MARK3: variants seen among roughly 807,000 people sequenced by gnomAD.
MARK3 encodes the protein microtubule affinity regulating kinase 3, also known as MAP/microtubule affinity-regulating kinase 3.
Under a neutral mutation model 90.1 loss-of-function variants are expected in MARK3, and 46 were observed. That is an observed-to-expected ratio of 0.51 (90% confidence interval 0.40 to 0.65). The LOEUF (loss-of-function observed/expected upper bound fraction) is 0.65. Ranked by LOEUF, MARK3 falls within the 30% of genes least tolerant of loss-of-function variation. MARK3 has a pLI of 0.00. For synonymous variants in MARK3, 321 were observed against 332.6 expected (o/e 0.97, Z 0.38); for missense variants, 818 against 947.2 (o/e 0.86, Z 1.79).
intron 1 of MARK3, among the ~76,000 whole-genome samples, chr14:103,396,666 C>A (rs915600716): frequency 1.3e-5 from 2 of 152,010 alleles, no homozygotes; most frequent in Non-Finnish European, 2.9e-5. Flanking sequence ...TAGCGTTTCC[C>A]CTTTTCACCC....
At chr14:103,475,299 T>C in intron 13 of MARK3, 89 bp downstream of exon 13, 2 of 1,081,236 alleles carry the variant, frequency 1.8e-6, no homozygotes, top group Non-Finnish European at 2.8e-6. Context: ...CTGTGGTCTC[T>C]CGTACTGGAA....
chr14:103,388,778 A>C (rs1322419085), intron 1 of MARK3, among the ~76,000 whole-genome samples: 1 of 152,048 alleles, frequency 6.6e-6, no homozygotes, highest in Non-Finnish European at 1.5e-5. Flanking sequence ...AGTGTAAATA[A>C]TCTTTTGTGT....
chr14:103,467,673 T>TAAAAAAA (rs1164167633), intron 11 of MARK3: 2 of 5,996 alleles, frequency 3.3e-4, no homozygotes, highest in Non-Finnish European at 7.6e-4. Context: ...AGACTCTGTC[T>TAAAAAAA]CAAAAAAAAA....
chr14:103,469,911 A>G lies in MARK3; in HGVS notation c.1264+1725A>G, dbSNP rs183562315. 3.4e-3 allele frequency among the ~76,000 whole-genome samples: 517 copies of G among 151,936 alleles called. 2 individuals are homozygous for G. The highest frequency in any genetic ancestry group is 0.012 in the African/African-American group (494 of 41,460). ...CCCCATCTCTACTAAAAATAAAAAAATTACCTGGGCATGGTGGTGTGTGCC... is the reference window on the plus strand; with the variant it reads ...CCCCATCTCTACTAAAAATAAAAAAGTTACCTGGGCATGGTGGTGTGTGCC... On this transcript the variant is annotated intron_variant, in intron 12 of 17. Transcript: ENST00000429436.
Position 103,492,002 on chromosome 14 carries a change from CT to C in MARK3, c.1815del (p.Phe605LeufsTer4). The C allele has an allele frequency of 6.2e-7, 1 of 1,614,194 alleles. No individual in the cohort carries two copies. Among genetic ancestry groups the C allele is most frequent in the Non-Finnish European group, 8.5e-7 (1 of 1,180,038 alleles). ...QTRSRGSTNL[F>X]SKLTSKLTRR... ...CTCGAAGCCGAGGCTCCACTAATCTCTTTAGTAAATTAACTTCAAAACTCAC... is the reference window on the plus strand; with the variant it reads ...CTCGAAGCCGAGGCTCCACTAATCTCTTAGTAAATTAACTTCAAAACTCAC... On this transcript the variant is annotated frameshift_variant, in exon 15 of 18. Coordinates refer to ENST00000429436, the MANE Select transcript of MARK3 (RefSeq NM_001128918.3). LOFTEE classifies it high-confidence loss of function.
chr14:103,462,318 C>CA (rs1191826149), intron 6 of MARK3, 87 bp from the exon 7 acceptor site: 15 of 915,540 alleles, frequency 1.6e-5, no homozygotes, highest in Non-Finnish European at 2.3e-5. Flanking sequence ...ACTGAGTATT[C>CA]ATTATGTGTG....
chr14:103,409,726 A>G (rs2091523179), intron 2 of MARK3, among the ~76,000 whole-genome samples: 1 of 152,190 alleles, frequency 6.6e-6, no homozygotes, highest in Non-Finnish European at 1.5e-5. Flanking sequence ...TTACTTAGTA[A>G]TGTACCTTGA....
chr14:103,411,609 A>T (rs1214417363), intron 2 of MARK3, among the ~76,000 whole-genome samples: 1 of 151,308 alleles, frequency 6.6e-6, no homozygotes, highest in Admixed American at 6.6e-5. Flanking sequence ...CCTCCTGATG[A>T]TTCTTTTTTT....
At chr14:103,423,933 C>G (rs954009927) in intron 2 of MARK3, among the ~76,000 whole-genome samples, 1 of 152,154 alleles carries the variant, frequency 6.6e-6, no homozygotes, top group Non-Finnish European at 1.5e-5. Context: ...AGTCCGGGCG[C>G]GATGGCTCAT....
In MARK3 at chr14:103,437,506, G is replaced by A. The variant is rs979680036; in HGVS notation, c.297+9066G>A. ...TTGCCCAAGCTGGTCTCAGACTCCTGGGTTCAAGCATCCTCCTTCCGAGGA... is the reference window on the plus strand; with the variant it reads ...TTGCCCAAGCTGGTCTCAGACTCCTAGGTTCAAGCATCCTCCTTCCGAGGA... On this transcript the variant is annotated intron_variant, in intron 3 of 17. Coordinates refer to ENST00000429436, the MANE Select transcript of MARK3 (RefSeq NM_001128918.3). Among the ~76,000 whole-genome samples, 37 of 152,170 alleles carry A rather than the reference G, an allele frequency of 2.4e-4. 1 individual carries two copies. Among genetic ancestry groups the A allele is most frequent in the Non-Finnish European group, 1.0e-4 (7 of 68,024 alleles).
At chr14:103,434,541 C>A (rs1347159583) in intron 3 of MARK3, among the ~76,000 whole-genome samples, 1 of 152,202 alleles carries the variant, frequency 6.6e-6, no homozygotes, top group Non-Finnish European at 1.5e-5. Flanking sequence ...CTGTCCATAG[C>A]ATGCAGTCCA....
chr14:103,421,275 G>T (rs549093836), intron 2 of MARK3, among the ~76,000 whole-genome samples: 52 of 152,284 alleles, frequency 3.4e-4, no homozygotes, highest in Admixed American at 6.5e-4. Flanking sequence ...GCAAAATGTT[G>T]TGACCAGAGG....
chr14:103,467,144 G>A lies in MARK3; in HGVS notation c.1063G>A (p.Asp355Asn), dbSNP rs1467013989. Reference protein sequence around the residue: ...IQESLSKMKYDEITATYLLLG... With the variant: ...IQESLSKMKYNEITATYLLLG... ...AGAATCTCTTAGTAAGATGAAATAC[G>A]ATGAAATCACAGCTACATATTTGTT... The change falls in exon 11 of 18, where the codon GAT (aspartate) becomes AAT (asparagine). Residue 355 changes from aspartate (D) to asparagine (N), a missense_variant. Asp to Asn is a conservative substitution (Grantham distance 23, BLOSUM62 1). Coordinates refer to ENST00000429436, the MANE Select transcript of MARK3 (RefSeq NM_001128918.3). The A allele has an allele frequency of 1.4e-5, 22 of 1,603,140 alleles. No individual in the cohort carries two copies. Among genetic ancestry groups the A allele is most frequent in the East Asian group, 4.5e-5 (2 of 44,740 alleles).
intron 2 of MARK3, among the ~76,000 whole-genome samples, chr14:103,410,912 T>G (rs1410612443): frequency 6.6e-6 from 1 of 152,194 alleles, no homozygotes; most frequent in African/African-American, 2.4e-5. Flanking sequence ...TGTGGCAAAA[T>G]CATTTAATCT....
intron 3 of MARK3, among the ~76,000 whole-genome samples, chr14:103,440,247 A>G (rs2092817120): frequency 6.6e-6 from 1 of 152,200 alleles, no homozygotes; most frequent in African/African-American, 2.4e-5. Flanking sequence ...TGCTTTTTGT[A>G]TTGCAAACAT....
At chr14:103,438,266 G>A (rs772207717) in intron 3 of MARK3, among the ~76,000 whole-genome samples, 8 of 152,144 alleles carry the variant, frequency 5.3e-5, no homozygotes, top group Non-Finnish European at 1.2e-4. Context: ...GCTTCCCAAA[G>A]TGCTGGGATT....
At chr14:103,458,810 T>C (rs1046094293) in intron 6 of MARK3, 7 of 661,784 alleles carry the variant, frequency 1.1e-5, no homozygotes, top group Non-Finnish European at 1.9e-5. Context: ...GTGATAGGAC[T>C]TATTAAGTTT....
intron 2 of MARK3, among the ~76,000 whole-genome samples, chr14:103,409,449 A>G (rs1189425295): frequency 9.9e-6 from 1 of 100,824 alleles, no homozygotes; most frequent in Non-Finnish European, 2.2e-5. Flanking sequence ...AAAAAAAAAA[A>G]AAAAAAAAAA....
At chr14:103,491,142 T>C (rs2094009118) in intron 14 of MARK3, 2 of 1,225,380 alleles carry the variant, frequency 1.6e-6, no homozygotes, top group South Asian at 1.4e-5. Context: ...GAAACTAATG[T>C]GTACCCACTG....
Sources: gnomAD v4.1 joint callset for allele counts (sites outside exome capture counted in the v4.1 genomes callset) on GRCh38, gnomAD v4.1.1 for gene constraint, MANE v1.5 for transcripts, NCBI Gene and HGNC (gene_info 2026-07-23, HGNC 2026-07-21) for gene names.